Variants in PCF11 observed in about 807,000 individuals in gnomAD.
PCF11 encodes the protein pre-mRNA cleavage complex 2 protein Pcf11.
In PCF11, 19 loss-of-function variants were observed where a neutral mutation model predicts 166.1. That is an observed-to-expected ratio of 0.11 (90% CI 0.08 to 0.17). PCF11 has a LOEUF of 0.17. Among genes scored for constraint, PCF11 ranks in the 10% least tolerant of loss-of-function variants. The probability of loss-of-function intolerance (pLI) is 1.00; values close to 1 mark genes in which losing one functional copy is unlikely to be tolerated. For missense variants in PCF11, 1,565 were observed against 1,855.5 expected, an observed-to-expected ratio of 0.84 and a Z score of 2.88; for synonymous variants, 663 against 644.1, an observed-to-expected ratio of 1.03 and a Z score of -0.44.
exon 5 of PCF11, chr11:83,166,009 C>T (rs774718854): frequency 1.2e-6 from 2 of 1,601,596 alleles, no homozygotes; most frequent in East Asian, 2.2e-5. Context: ...TCGAAATCAC[C>T]CTCACCTTTG....
At chr11:83,166,261 A>G in exon 5 of PCF11, 1 of 1,613,414 alleles carries the variant, frequency 6.2e-7, no homozygotes, top group Non-Finnish European at 8.5e-7. Context: ...GGCATTGTAC[A>G]AAAACAGGAT....
At position 83,175,286 on chromosome 11, in the gene PCF11, C is replaced by T. The variant is rs568564504; in HGVS notation, c.3758-1799C>T. Among the ~76,000 whole-genome samples the T allele has an allele frequency of 5.9e-5, 9 of 152,262 alleles. No individual in the cohort carries two copies. The East Asian group carries it at 1.7e-3, about 29-fold the overall frequency. On this transcript the variant is annotated intron_variant, in intron 9 of 15. Transcript: ENST00000298281. ...TAGCTGGATTACAGGCATGGGCTAC[C>T]ACAACCGGCTAATTTTTGTATTTTT...
chr11:83,169,387 C>T (rs200865370), exon 8 of PCF11: 1 of 1,613,396 alleles, frequency 6.2e-7, no homozygotes, highest in African/African-American at 1.3e-5. Context: ...AGGAGGTGGC[C>T]TGAGAATTGA....
exon 3 of PCF11, chr11:83,163,841 G>T: frequency 6.5e-7 from 1 of 1,536,902 alleles, no homozygotes; most frequent in Non-Finnish European, 8.7e-7. Flanking sequence ...TAGCATCCAT[G>T]TGAATCCTAA....
intron 13 of PCF11, 137 bp downstream of exon 13, chr11:83,182,146 T>G: frequency 2.5e-6 from 2 of 785,354 alleles, no homozygotes. Context: ...TACTCTTCAA[T>G]TTTACTCTTA....
chr11:83,178,140 A>G (rs1860952095), intron 11 of PCF11, among the ~76,000 whole-genome samples: 1 of 152,026 alleles, frequency 6.6e-6, no homozygotes, highest in Non-Finnish European at 1.5e-5. Context: ...TCCCAGGTTC[A>G]AGTGATTCTC....
At chr11:83,164,213 G>A in exon 4 of PCF11, 1 of 1,604,036 alleles carries the variant, frequency 6.2e-7, no homozygotes, top group Non-Finnish European at 8.5e-7. Context: ...ATAGCCCGAG[G>A]AGCCTTCAAC....
intron 11 of PCF11, among the ~76,000 whole-genome samples, chr11:83,179,500 T>G (rs559430261): frequency 6.6e-6 from 1 of 152,262 alleles, no homozygotes; most frequent in East Asian, 1.9e-4. Context: ...TCTGCCCGCC[T>G]CGGCCTTCCA....
At chr11:83,157,717 A>G in intron 1 of PCF11, 86 bp downstream of exon 1, 2 of 1,222,486 alleles carry the variant, frequency 1.6e-6, no homozygotes, top group Non-Finnish European at 2.4e-6. Flanking sequence ...CTTCCATCCC[A>G]AGGGGGACAG....
chr11:83,184,553 G>T, intron 15 of PCF11, 126 bp from the exon 16 acceptor site: 2 of 650,462 alleles, frequency 3.1e-6, no homozygotes, highest in South Asian at 1.8e-5. Context: ...TGGGAGGCAG[G>T]TGTTTCATTT....
intron 1 of PCF11, 62 bp from the exon 2 acceptor site, chr11:83,161,265 T>C: frequency 7.1e-7 from 1 of 1,399,482 alleles, no homozygotes; most frequent in Non-Finnish European, 9.8e-7. Context: ...TAAAAACTCA[T>C]TTTTAAATAA....
At chr11:83,183,785 C>T (rs1018227781) in intron 15 of PCF11, among the ~76,000 whole-genome samples, 3 of 151,860 alleles carry the variant, frequency 2.0e-5, no homozygotes, top group Admixed American at 6.6e-5. Context: ...CCACCGTGCT[C>T]GGCCAAAATA....
exon 2 of PCF11, chr11:83,161,407 C>T: frequency 6.2e-7 from 1 of 1,600,378 alleles, no homozygotes; most frequent in Non-Finnish European, 8.5e-7. Flanking sequence ...ATCTCACTGC[C>T]TTTACTAAAA....
In PCF11 at chr11:83,184,883, G is replaced by A. The variant is rs181435797; in HGVS notation, c.4657G>A (p.Glu1553Lys). The A allele has an allele frequency of 1.7e-5, 27 of 1,552,448 alleles. No individual in the cohort carries two copies. The African/African-American group carries it at 3.1e-4, about 18-fold the overall frequency. ...AATTAAAACAGAAAATGACACAGTC[G>A]AGTCAGTTTAAATAAAATGAGAAAG... is the stretch of plus-strand genomic sequence containing the variant. Residue 1553 changes from glutamate (E) to lysine (K), a missense_variant, in exon 16 of 16, where the codon GAG becomes AAG. Physicochemically the swap from Glu to Lys is moderately conservative, Grantham distance 56 (BLOSUM62 1). Transcript: ENST00000298281.
At chr11:83,157,586 C>G in exon 1 of PCF11, 3 of 1,614,028 alleles carry the variant, frequency 1.9e-6, no homozygotes, top group Non-Finnish European at 2.5e-6. Context: ...AGAACCTGCC[C>G]TTCGCCAAGG....
chr11:83,186,775 A>G (rs2135455628), exon 16 of PCF11: 1 of 152,376 alleles, frequency 6.6e-6, no homozygotes. Context: ...GAACTTACGT[A>G]TATGAACACT....
At chr11:83,164,249 A>C in exon 4 of PCF11, 1 of 1,613,736 alleles carries the variant, frequency 6.2e-7, no homozygotes. Flanking sequence ...CAGTTCCCCT[A>C]GCATCTCCAC....
rs919630159 is a variant in PCF11 at position 83,179,904 on chromosome 11, C to T, written c.3984-1104C>T. 1.3e-4 allele frequency among the ~76,000 whole-genome samples: 19 copies of T among 151,750 alleles called. 1 individual carries two copies. The highest frequency in any genetic ancestry group is 3.4e-4 in the African/African-American group (14 of 41,392). ...CTGCACTGCATCCTGGGTGACAGAGCGCGAGACTCCGTCTCCAAAAAAAAC... is the reference window on the plus strand; with the variant it reads ...CTGCACTGCATCCTGGGTGACAGAGTGCGAGACTCCGTCTCCAAAAAAAAC... On this transcript the variant is annotated intron_variant, in intron 11 of 15. Coordinates refer to ENST00000298281, the Ensembl canonical transcript of PCF11.
At chr11:83,180,805 A>G (rs1861060064) in intron 11 of PCF11, 1 of 372,388 alleles carries the variant, frequency 2.7e-6, no homozygotes, top group South Asian at 7.6e-5. Flanking sequence ...GACAGGCTCC[A>G]TCTTCCAAAA....
Sources: gnomAD v4.1 joint callset for allele counts (sites outside exome capture counted in the v4.1 genomes callset) on GRCh38, gnomAD v4.1.1 for gene constraint, MANE v1.5 for transcripts, NCBI Gene and HGNC (gene_info 2026-07-23, HGNC 2026-07-21) for gene names.